The following CDC37L1 variants were observed in gnomAD, a reference collection of about 807,000 sequenced individuals.
CDC37L1 encodes the protein cell division cycle 37 like 1, HSP90 cochaperone, also known as hsp90 co-chaperone Cdc37-like 1.
A neutral mutation model predicts 45.9 loss-of-function variants in CDC37L1; 32 were observed. That is an observed-to-expected ratio of 0.70 (90% confidence interval 0.53 to 0.94). The LOEUF (loss-of-function observed/expected upper bound fraction) is 0.94. Among genes scored for constraint, CDC37L1 ranks in the 40% least tolerant of loss-of-function variants. The pLI, the probability that CDC37L1 is intolerant of heterozygous loss-of-function variation, is 0.00. For synonymous variants in CDC37L1, 150 were observed against 133.0 expected (o/e 1.13, Z -0.88); for missense variants, 434 against 405.7 (o/e 1.07, Z -0.60).
chr9:4,699,465 C>T (rs1841378194), intron 5 of CDC37L1, among the ~76,000 whole-genome samples: 1 of 151,912 alleles, frequency 6.6e-6, no homozygotes, highest in African/African-American at 2.4e-5. Context: ...CCAACATCAG[C>T]ATGGATGGAA....
At chr9:4,703,637 G>A (rs1295785752) in intron 6 of CDC37L1, among the ~76,000 whole-genome samples, 2 of 152,132 alleles carry the variant, frequency 1.3e-5, no homozygotes, top group Non-Finnish European at 2.9e-5. Flanking sequence ...TGCATGGGAA[G>A]GAGAAAAGAG....
At chr9:4,683,123 A>G (rs986590238) in intron 1 of CDC37L1, among the ~76,000 whole-genome samples, 1 of 143,880 alleles carries the variant, frequency 7.0e-6, no homozygotes, top group Non-Finnish European at 1.5e-5. Flanking sequence ...TATATTTTAT[A>G]TATATTTTAT....
intron 1 of CDC37L1, 92 bp from the exon 2 acceptor site, chr9:4,684,785 G>C: frequency 1.1e-6 from 1 of 886,198 alleles, no homozygotes; most frequent in East Asian, 2.6e-5. Context: ...CCAAAATATT[G>C]TACAGAAATC....
chr9:4,698,551 A>G (rs1841368453), intron 5 of CDC37L1, among the ~76,000 whole-genome samples: 1 of 151,766 alleles, frequency 6.6e-6, no homozygotes, highest in African/African-American at 2.4e-5. Context: ...GAAGTAGGGC[A>G]ATAAGAATTT....
chr9:4,708,178 T>C lies in CDC37L1; in HGVS notation c.*2066T>C, dbSNP rs1841464897. 6.6e-6 allele frequency: 1 copy of C among 152,220 alleles called. No homozygotes were observed. Among genetic ancestry groups the C allele is most frequent in the African/African-American group, 2.4e-5 (1 of 41,438 alleles). The allele number at this position is 152,220 out of a possible 1,614,324, so 9.4% of individuals were successfully genotyped here. ...TAGTACTAGAAACAGTAAATTGACA[T>C]CCTTGAACTAATTCCTACCTTTTTT... On this transcript the variant is annotated 3_prime_UTR_variant, in exon 7 of 7. Transcript: ENST00000381854.
intron 3 of CDC37L1, among the ~76,000 whole-genome samples, chr9:4,695,614 A>G (rs1841340466): frequency 6.6e-6 from 1 of 151,684 alleles, no homozygotes; most frequent in Non-Finnish European, 1.5e-5. Flanking sequence ...GCCCCCTCAG[A>G]CTCCCAAGTA....
chr9:4,695,206 A>G (rs983380489), intron 3 of CDC37L1, among the ~76,000 whole-genome samples: 1 of 152,032 alleles, frequency 6.6e-6, no homozygotes, highest in Non-Finnish European at 1.5e-5. Flanking sequence ...TTTTTAAGAG[A>G]TATGGTCTTG....
chr9:4,686,978 T>G (rs1344329053), intron 2 of CDC37L1, among the ~76,000 whole-genome samples: 1 of 152,250 alleles, frequency 6.6e-6, no homozygotes, highest in African/African-American at 2.4e-5. Flanking sequence ...ATAAAATAAT[T>G]TATTAATGTC....
intron 6 of CDC37L1, chr9:4,703,301 A>G (rs1841416575): frequency 2.6e-6 from 1 of 391,378 alleles, no homozygotes; most frequent in East Asian, 3.9e-5. Context: ...GTGATTGATC[A>G]TATTTACCCC....
intron 3 of CDC37L1, among the ~76,000 whole-genome samples, chr9:4,694,931 G>C (rs1841333355): frequency 6.6e-6 from 1 of 152,068 alleles, no homozygotes; most frequent in Admixed American, 6.6e-5. Flanking sequence ...CAAGTGTCAG[G>C]AACCCTTTCA....
At chr9:4,690,055 A>G (rs1158612565) in intron 3 of CDC37L1, among the ~76,000 whole-genome samples, 1 of 152,200 alleles carries the variant, frequency 6.6e-6, no homozygotes, top group Non-Finnish European at 1.5e-5. Context: ...AAATATCCAA[A>G]TATCACAAAG....
Position 4,707,465 on chromosome 9 carries a change from C to A in CDC37L1, c.*1353C>A, listed in dbSNP as rs1291647469. The A allele has an allele frequency of 2.0e-5, 3 of 152,178 alleles. No individual in the cohort carries two copies. The highest frequency in any genetic ancestry group is 2.9e-5 in the Non-Finnish European group (2 of 68,050). The allele number at this position is 152,178 out of a possible 1,614,324, so 9.4% of individuals were successfully genotyped here. A position where few individuals can be genotyped will look rare whatever the true frequency, so the allele number is the denominator to read the frequency against. ...TGAGAAACCAAATAGTGCGAAGGGA[C>A]TCAGGGTGGCCAGACCTGTGACCTT... On this transcript the variant is annotated 3_prime_UTR_variant, in exon 7 of 7. Coordinates refer to ENST00000381854, the MANE Select transcript of CDC37L1 (RefSeq NM_017913.4).
chr9:4,700,231 C>A (rs556830314), intron 5 of CDC37L1, among the ~76,000 whole-genome samples: 1 of 152,314 alleles, frequency 6.6e-6, no homozygotes, highest in African/African-American at 2.4e-5. Flanking sequence ...TCATTGCTCA[C>A]TGCAGCCTTG....
In CDC37L1 at chr9:4,708,236, A is replaced by C. The variant is rs1487643658; in HGVS notation, c.*2124A>C. On this transcript the variant is annotated 3_prime_UTR_variant, in exon 7 of 7. Coordinates refer to ENST00000381854, the MANE Select transcript of CDC37L1 (RefSeq NM_017913.4). ...TGAAGAAATAAAGAGTATATTAAGC[A>C]AAGGGATAATTTATATTTCAGGTTG... 1.3e-5 allele frequency: 2 copies of C among 152,254 alleles called. No homozygotes were observed. Among genetic ancestry groups the C allele is most frequent in the African/African-American group, 4.8e-5 (2 of 41,466 alleles). 9.4% of individuals were successfully genotyped at this position (152,254 alleles called of 1,614,324 possible).
At chr9:4,688,114 C>T (rs1421223273) in intron 2 of CDC37L1, among the ~76,000 whole-genome samples, 1 of 152,208 alleles carries the variant, frequency 6.6e-6, no homozygotes, top group East Asian at 1.9e-4. Flanking sequence ...ATTCTCCTGC[C>T]TCAGCCTCCC....
In CDC37L1 at chr9:4,707,047, A is replaced by T. The variant is rs966084357; in HGVS notation, c.*935A>T. 3 of 150,904 alleles carry T rather than the reference A, an allele frequency of 2.0e-5. No individual in the cohort carries two copies. Among genetic ancestry groups the T allele is most frequent in the Non-Finnish European group, 4.4e-5 (3 of 67,612 alleles). The allele number at this position is 150,904 out of a possible 1,614,324, so 9.3% of individuals were successfully genotyped here. On this transcript the variant is annotated 3_prime_UTR_variant, in exon 7 of 7. Coordinates refer to ENST00000381854, the MANE Select transcript of CDC37L1 (RefSeq NM_017913.4). ...TTTTAAAAAAGGAGTCTTAAAAATGATTTTTTTTTTAAAGGCAAGAGAAAT... is the reference window on the plus strand; with the variant it reads ...TTTTAAAAAAGGAGTCTTAAAAATGTTTTTTTTTTTAAAGGCAAGAGAAAT...
At chr9:4,705,346 G>T (rs1841432641) in intron 6 of CDC37L1, among the ~76,000 whole-genome samples, 2 of 152,064 alleles carry the variant, frequency 1.3e-5, no homozygotes, top group African/African-American at 4.8e-5. Flanking sequence ...TTTAATAATG[G>T]TTTTATTTTT....
At chr9:4,691,517 T>C (rs1189929712) in intron 3 of CDC37L1, among the ~76,000 whole-genome samples, 4 of 152,228 alleles carry the variant, frequency 2.6e-5, no homozygotes, top group African/African-American at 4.8e-5. Context: ...TAATTAAAGC[T>C]TCCAGTTGGA....
chr9:4,679,923 G>C (rs757784566), intron 1 of CDC37L1, 24 bp downstream of exon 1: 1 of 1,612,754 alleles, frequency 6.2e-7, no homozygotes, highest in South Asian at 1.1e-5. Context: ...TGCGTTCTGC[G>C]GAGGGATGGA....
Sources: allele counts gnomAD v4.1 joint callset (sites outside exome capture counted in the v4.1 genomes callset), GRCh38; gene constraint gnomAD v4.1.1; transcripts MANE v1.5; gene names NCBI Gene and HGNC (gene_info 2026-07-23, HGNC 2026-07-21).